Variants in MAN1A2 observed in about 807,000 individuals in gnomAD.
MAN1A2 encodes mannosidase alpha class 1A member 2.
A neutral mutation model predicts 75.7 loss-of-function variants in MAN1A2; 26 were observed. The ratio of observed to expected loss-of-function variants is 0.34; its 90% CI spans 0.25 to 0.48. MAN1A2 has a LOEUF of 0.48. MAN1A2 is among the 20% of genes least tolerant of loss of function. The probability of loss-of-function intolerance (pLI) is 0.99; values close to 1 mark genes in which losing one functional copy is unlikely to be tolerated. For missense variants in MAN1A2, 562 were observed against 775.5 expected (o/e 0.72, Z 3.27); for synonymous variants, 247 against 264.6 (o/e 0.93, Z 0.65).
intron 12 of MAN1A2, among the ~76,000 whole-genome samples, chr1:117,513,238 GT>G (rs1651602852): frequency 6.6e-6 from 1 of 152,134 alleles, no homozygotes; most frequent in Non-Finnish European, 1.5e-5. Flanking sequence ...GGGGTATAGA[GT>G]TTGAGTTTTA....
chr1:117,374,394 A>G (rs541914493), intron 1 of MAN1A2, among the ~76,000 whole-genome samples: 1 of 152,202 alleles, frequency 6.6e-6, no homozygotes, highest in African/African-American at 2.4e-5. Context: ...AAATTCTGTC[A>G]GAAAAGTTTA....
intron 1 of MAN1A2, among the ~76,000 whole-genome samples, chr1:117,379,166 T>G (rs1210214732): frequency 1.3e-5 from 2 of 152,230 alleles, no homozygotes; most frequent in South Asian, 4.1e-4. Context: ...TTGTGTATGA[T>G]GAGGTGGGGA....
intron 8 of MAN1A2, among the ~76,000 whole-genome samples, chr1:117,467,281 A>G (rs991575857): frequency 3.3e-5 from 5 of 152,168 alleles, no homozygotes; most frequent in Admixed American, 2.6e-4. Context: ...GACTAATGAA[A>G]TCTTAAGTAG....
At chr1:117,395,555 G>T (rs1004385340) in intron 1 of MAN1A2, among the ~76,000 whole-genome samples, 1 of 151,904 alleles carries the variant, frequency 6.6e-6, no homozygotes, top group African/African-American at 2.4e-5. Flanking sequence ...CAAGGATCAG[G>T]GATGTGTTGA....
chr1:117,408,488 T>TGC (rs1647691731), intron 3 of MAN1A2, among the ~76,000 whole-genome samples: 1 of 152,100 alleles, frequency 6.6e-6, no homozygotes, highest in South Asian at 2.1e-4. Context: ...TGTGTGTGTG[T>TGC]ATTTATATGT....
chr1:117,421,269 A>C (rs1490906339), intron 5 of MAN1A2, among the ~76,000 whole-genome samples: 3 of 152,074 alleles, frequency 2.0e-5, no homozygotes, highest in Non-Finnish European at 4.4e-5. Context: ...TTTTTTGAGC[A>C]ACTGTTTCAC....
chr1:117,378,417 T>G (rs1289820), intron 1 of MAN1A2, among the ~76,000 whole-genome samples: 117,848 of 152,082 alleles, frequency 0.77, 45,985 homozygotes, highest in African/African-American at 0.85. Flanking sequence ...ACAATTTCAC[T>G]TTTGGGCTCT....
At chr1:117,471,125 T>A (rs1323694572) in intron 8 of MAN1A2, among the ~76,000 whole-genome samples, 3 of 151,874 alleles carry the variant, frequency 2.0e-5, no homozygotes, top group Non-Finnish European at 4.4e-5. Flanking sequence ...AATCAGTCAT[T>A]ACTGATTCAT....
In MAN1A2 at chr1:117,442,329, ACT is replaced by A. The variant is rs753101380; in HGVS notation, c.950+7_950+8del. The A allele has an allele frequency of 1.3e-6, 2 of 1,570,546 alleles. No individual in the cohort carries two copies. The highest frequency in any genetic ancestry group is 2.2e-5 in the East Asian group (1 of 44,602). Reference sequence around the variant, plus strand: ...GGGCAATGGTGAATTTGAAAAGGTAACTCTATGTGGGTATTCTTATTCTGGAA... The same window carrying A: ...GGGCAATGGTGAATTTGAAAAGGTAACTATGTGGGTATTCTTATTCTGGAA... On this transcript the variant is annotated splice_donor_5th_base_variant and intron_variant, in intron 6 of 12. Transcript: ENST00000356554.
intron 1 of MAN1A2, among the ~76,000 whole-genome samples, chr1:117,387,506 A>G (rs1450187308): frequency 6.6e-6 from 1 of 152,194 alleles, no homozygotes; most frequent in Admixed American, 6.6e-5. Flanking sequence ...TCTATCTTAC[A>G]TGAGTGGTGT....
chr1:117,507,314 A>G lies in MAN1A2; in HGVS notation c.1793+4344A>G, dbSNP rs184418738. Among the ~76,000 whole-genome samples, 333 of 151,704 alleles carry G rather than the reference A, an allele frequency of 2.2e-3. 1 individual carries two copies. The highest frequency in any genetic ancestry group is 7.7e-3 in the African/African-American group (318 of 41,480). ...TCAGAGTGCCTTCAGACCTCTCAAG[A>G]ACAGTCATGAAAGCTAGAAGCATTG... On this transcript the variant is annotated intron_variant, in intron 12 of 12. Coordinates refer to ENST00000356554, the MANE Select transcript of MAN1A2 (RefSeq NM_006699.5).
At chr1:117,458,941 C>A (rs1264781697) in intron 6 of MAN1A2, among the ~76,000 whole-genome samples, 1 of 152,108 alleles carries the variant, frequency 6.6e-6, no homozygotes, top group Non-Finnish European at 1.5e-5. Flanking sequence ...ACTTCCAGTT[C>A]CAACCAGGAA....
At chr1:117,435,845 G>T (rs1452278345) in intron 5 of MAN1A2, among the ~76,000 whole-genome samples, 1 of 152,144 alleles carries the variant, frequency 6.6e-6, no homozygotes, top group Non-Finnish European at 1.5e-5. Context: ...ATCACCTGAG[G>T]CTGGGAGTTT....
intron 2 of MAN1A2, among the ~76,000 whole-genome samples, chr1:117,403,035 C>A (rs570325763): frequency 1.3e-5 from 2 of 151,976 alleles, no homozygotes; most frequent in Non-Finnish European, 2.9e-5. Flanking sequence ...AAAGAGAATA[C>A]CAGATGGGAA....
intron 5 of MAN1A2, among the ~76,000 whole-genome samples, chr1:117,428,796 TTTTTTTTTTTTA>T (rs1359662005): frequency 6.8e-6 from 1 of 146,688 alleles, no homozygotes; most frequent in Non-Finnish European, 1.5e-5. Flanking sequence ...TTTTTTTTTT[TTTTTTTTTTTTA>T]AATTTATTTT....
At chr1:117,404,021 T>C (rs1408236145) in intron 2 of MAN1A2, among the ~76,000 whole-genome samples, 1 of 152,224 alleles carries the variant, frequency 6.6e-6, no homozygotes, top group Non-Finnish European at 1.5e-5. Flanking sequence ...CATTTTTCTC[T>C]AGATGACTGT....
chr1:117,409,676 C>G (rs1039839793), intron 3 of MAN1A2, among the ~76,000 whole-genome samples: 2 of 151,934 alleles, frequency 1.3e-5, no homozygotes, highest in African/African-American at 4.8e-5. Flanking sequence ...AAGTCCTCAA[C>G]TCTTATTTTG....
chr1:117,494,889 AAT>A (rs1317650953), intron 9 of MAN1A2: 1 of 151,952 alleles, frequency 6.6e-6, no homozygotes, highest in Non-Finnish European at 1.5e-5. Flanking sequence ...CACCTAGCAC[AAT>A]ACTTGAAACA....
chr1:117,419,874 C>G (rs947351263), intron 4 of MAN1A2, among the ~76,000 whole-genome samples: 3 of 151,850 alleles, frequency 2.0e-5, no homozygotes, highest in Admixed American at 6.6e-5. Context: ...AATTTCATGT[C>G]TGTCATCAAT....
Sources: allele counts gnomAD v4.1 joint callset (sites outside exome capture counted in the v4.1 genomes callset), GRCh38; gene constraint gnomAD v4.1.1; transcripts MANE v1.5; gene names NCBI Gene and HGNC (gene_info 2026-07-23, HGNC 2026-07-21).